The following PSME4 variants were observed in gnomAD, a reference collection of about 807,000 sequenced individuals.
PSME4 encodes proteasome activator subunit 4.
PSME4 carries 89 observed loss-of-function variants against 253.9 expected under a neutral mutation model. The ratio of observed to expected loss-of-function variants is 0.35; its 90% confidence interval spans 0.30 to 0.42. The LOEUF (loss-of-function observed/expected upper bound fraction) is 0.42, where lower values mean the gene tolerates loss of function less well. Among genes scored for constraint, PSME4 ranks in the 10% least tolerant of loss-of-function variants. PSME4 has a pLI of 1.00. For missense variants in PSME4, 2,014 were observed against 2,195.2 expected (o/e 0.92, Z 1.65); for synonymous variants, 851 against 759.2 (o/e 1.12, Z -1.99).
intron 20 of PSME4, among the ~76,000 whole-genome samples, chr2:53,912,985 A>G (rs1236622412): frequency 9.9e-5 from 15 of 152,216 alleles, no homozygotes; most frequent in Admixed American, 8.5e-4. Context: ...ACTAAAAGCT[A>G]TGTTAACAAT....
In PSME4 at chr2:53,925,996, C is replaced by T. The variant is rs1668540071; in HGVS notation, c.1621G>A (p.Ala541Thr). The part of the protein sequence containing the change: ...EVERELCSAT[A>T]EFEDFVLQFM... ...TGTAAGACGAAATCCTCAAATTCAG[C>T]TGTGGCTGAACAAAGTTCTCGTTCC... The change falls in exon 13 of 47, where the codon GCT (alanine) becomes ACT (threonine). Residue 541 changes from alanine (A) to threonine (T), a missense_variant. This residue lies in a region of PSME4 where 989 missense variants were observed against 1,021.1 expected (regional missense o/e 0.97). Coordinates refer to ENST00000404125, the MANE Select transcript of PSME4 (RefSeq NM_014614.3). 1.9e-6 allele frequency: 3 copies of T among 1,613,494 alleles called. No individual in the cohort carries two copies. Among genetic ancestry groups the T allele is most frequent in the East Asian group, 2.2e-5 (1 of 44,870 alleles).
At chr2:53,936,877 C>T in intron 5 of PSME4, 50 bp from the exon 6 acceptor site, 1 of 1,266,916 alleles carries the variant, frequency 7.9e-7, no homozygotes, top group Non-Finnish European at 1.1e-6. Context: ...TAAAGTGGTT[C>T]AATGCCAGCT....
chr2:53,886,322 T>C (rs1310193097), intron 40 of PSME4, among the ~76,000 whole-genome samples: 2 of 152,074 alleles, frequency 1.3e-5, no homozygotes, highest in Non-Finnish European at 2.9e-5. Context: ...GGTGGGAGGA[T>C]CTCTTGAGCC....
chr2:53,916,218 G>C (rs1573281366), intron 20 of PSME4, among the ~76,000 whole-genome samples: 1 of 128,188 alleles, frequency 7.8e-6, no homozygotes, highest in African/African-American at 3.1e-5. Flanking sequence ...CTACAGCCTG[G>C]GCAATAGGGC....
intron 44 of PSME4, among the ~76,000 whole-genome samples, chr2:53,868,030 T>C (rs778951785): frequency 1.3e-5 from 2 of 152,152 alleles, no homozygotes; most frequent in Non-Finnish European, 2.9e-5. Flanking sequence ...CATATTACAT[T>C]TGTATTTGTG....
At position 53,887,244 on chromosome 2, in the gene PSME4, A is replaced by G. The variant is rs1379443002; in HGVS notation, c.4729+15T>C. On this transcript the variant is annotated intron_variant, in intron 40 of 46. Transcript: ENST00000404125. ...GATGTTTTCAACTGAGTTTCTACTA[A>G]TTTTATCCACTCACTGGTTTTCAAG... 45 of 1,595,744 alleles carry G rather than the reference A, an allele frequency of 2.8e-5. No individual in the cohort carries two copies. The highest frequency in any genetic ancestry group is 1.0e-4 in the Admixed American group (6 of 59,848).
At position 53,970,793 on chromosome 2, in the gene PSME4, G is replaced by T; in HGVS notation, c.-9C>A. ...CGCTCGGCCGGCTCCATGAGCCCAG[G>T]GACACCCCCCCCACCCCCTCCCACC... On this transcript the variant is annotated 5_prime_UTR_variant, in exon 1 of 47. Coordinates refer to ENST00000404125, the MANE Select transcript of PSME4 (RefSeq NM_014614.3). The T allele has an allele frequency of 6.5e-7, 1 of 1,531,078 alleles. No homozygotes were observed. Among genetic ancestry groups the T allele is most frequent in the Non-Finnish European group, 8.8e-7 (1 of 1,139,712 alleles). 94.8% of individuals were successfully genotyped at this position (1,531,078 alleles called of 1,614,324 possible).
In PSME4 at chr2:53,864,968, A is replaced by G. The variant is rs571428784; in HGVS notation, c.*610T>C. On this transcript the variant is annotated 3_prime_UTR_variant, in exon 47 of 47. Transcript: ENST00000404125. ...AATTTTTTAGCAACTGGCTCTATTC[A>G]GCACCAAAAACTCCAGTCTGTGGGA... 1 of 152,740 alleles carries G rather than the reference A, an allele frequency of 6.5e-6. No individual in the cohort carries two copies. Among genetic ancestry groups the G allele is most frequent in the South Asian group, 2.1e-4 (1 of 4,818 alleles). The allele number at this position is 152,740 out of a possible 1,614,324, so 9.5% of individuals were successfully genotyped here. A position where few individuals can be genotyped will look rare whatever the true frequency, so the allele number is the denominator to read the frequency against.
intron 1 of PSME4, among the ~76,000 whole-genome samples, chr2:53,961,682 A>AG (rs1034556343): frequency 2.6e-5 from 4 of 152,062 alleles, no homozygotes; most frequent in African/African-American, 9.7e-5. Context: ...TCTAAAAATA[A>AG]GGGGGGGAAG....
In PSME4 at chr2:53,970,902, C is replaced by G. The variant is rs890503528; in HGVS notation, c.-118G>C. ...CCTGCGGCCGCTGGCGGCCCGTCGC[C>G]CTCGGACCGATCGCTAGGCCCCCTT... On this transcript the variant is annotated 5_prime_UTR_variant, in exon 1 of 47. Coordinates refer to ENST00000404125, the MANE Select transcript of PSME4 (RefSeq NM_014614.3). 1 of 854,444 alleles carries G rather than the reference C, an allele frequency of 1.2e-6. No homozygotes were observed. The highest frequency in any genetic ancestry group is 1.7e-6 in the Non-Finnish European group (1 of 602,090). The allele number at this position is 854,444 out of a possible 1,614,324, so 52.9% of individuals were successfully genotyped here.
chr2:53,876,241 T>C (rs1679113177), intron 41 of PSME4, among the ~76,000 whole-genome samples: 1 of 152,198 alleles, frequency 6.6e-6, no homozygotes, highest in South Asian at 2.1e-4. Flanking sequence ...TTCATAAATC[T>C]CTTTCAATGC....
At chr2:53,957,276 C>T (rs1267640183) in intron 1 of PSME4, among the ~76,000 whole-genome samples, 6 of 152,094 alleles carry the variant, frequency 3.9e-5, no homozygotes, top group African/African-American at 1.4e-4. Flanking sequence ...GATTTGAGGA[C>T]ATTATATTTA....
chr2:53,962,782 G>A (rs1670547549), intron 1 of PSME4, among the ~76,000 whole-genome samples: 1 of 151,994 alleles, frequency 6.6e-6, no homozygotes, highest in African/African-American at 2.4e-5. Flanking sequence ...GGAGGCTGAG[G>A]CAGGCGGATC....
rs774341422 is a variant in PSME4, at chr2:53,893,723, T to C, written c.3989A>G (p.Asp1330Gly). The C allele has an allele frequency of 6.2e-7, 1 of 1,611,224 alleles. No homozygotes were observed. Among genetic ancestry groups the C allele is most frequent in the South Asian group, 1.1e-5 (1 of 90,732 alleles). The change falls in exon 35 of 47, where the codon GAC becomes GGC. Residue 1330 changes from aspartate (D) to glycine (G), a missense_variant. By Grantham distance (94) the Asp-to-Gly change is moderately conservative. This residue lies in a region of PSME4 where 989 missense variants were observed against 1,021.1 expected (regional missense o/e 0.97). Coordinates refer to ENST00000404125, the MANE Select transcript of PSME4 (RefSeq NM_014614.3). ...EQLITFLSLE[D>G]RKGKDKFNPR... is the part of the protein sequence containing the mutation. ...ATTAAACTTATCTTTTCCTTTTCTG[T>C]CTTCTAATGATAGAAAAGTAATTAA...
chr2:53,929,766 C>CTGTA (rs1245176899), intron 10 of PSME4, among the ~76,000 whole-genome samples: 1 of 151,950 alleles, frequency 6.6e-6, no homozygotes, highest in African/African-American at 2.4e-5. Flanking sequence ...ACCTGTAATC[C>CTGTA]CAGCACTTTG....
At chr2:53,910,024 T>C (rs769144769) in intron 21 of PSME4, 51 bp downstream of exon 21, 8 of 1,392,600 alleles carry the variant, frequency 5.7e-6, no homozygotes, top group Middle Eastern at 2.0e-4. Flanking sequence ...CCTTGTGGAG[T>C]TACTGACAAA....
chr2:53,867,790 C>T (rs1573177504), intron 44 of PSME4, among the ~76,000 whole-genome samples: 2 of 151,200 alleles, frequency 1.3e-5, no homozygotes, highest in African/African-American at 4.9e-5. Context: ...TCAAAATTAG[C>T]GTGGTTTTTT....
At chr2:53,953,868 T>C (rs990670948) in intron 1 of PSME4, among the ~76,000 whole-genome samples, 3 of 152,240 alleles carry the variant, frequency 2.0e-5, no homozygotes, top group African/African-American at 2.4e-5. Flanking sequence ...TGATATAGAA[T>C]ATTTCTTTCA....
At position 53,935,161 on chromosome 2, in the gene PSME4, T is replaced by C. The variant is rs185324821; in HGVS notation, c.835-434A>G. ...ATGCAAGTATCTTCTAGCAGAATGC[T>C]TTCCCTTTCAAAATTTTAATGGTGA... On this transcript the variant is annotated intron_variant, in intron 7 of 46. Coordinates refer to ENST00000404125, the MANE Select transcript of PSME4 (RefSeq NM_014614.3). 2.6e-5 allele frequency among the ~76,000 whole-genome samples: 4 copies of C among 152,352 alleles called. No homozygotes were observed. The East Asian group carries it at 7.7e-4, about 29-fold the overall frequency.
Sources: allele counts gnomAD v4.1 joint callset (sites outside exome capture counted in the v4.1 genomes callset), GRCh38; gene constraint gnomAD v4.1.1; regional missense constraint gnomAD v4.1.1; transcripts MANE v1.5; gene names NCBI Gene and HGNC (gene_info 2026-07-23, HGNC 2026-07-21).